ZNF710: variants seen among roughly 807,000 people sequenced by gnomAD.
The protein encoded by ZNF710 is zinc finger protein 710.
Under a neutral mutation model 50.6 loss-of-function variants are expected in ZNF710, and 13 were observed. The observed-to-expected ratio is 0.26, with a 90% confidence interval of 0.17 to 0.41. The LOEUF is 0.41. ZNF710 is among the 10% of genes least tolerant of loss of function. The pLI is 1.00. For synonymous variants in ZNF710, 383 were observed against 397.0 expected (o/e 0.96, Z 0.42); for missense variants, 721 against 936.6 (o/e 0.77, Z 3.01).
In ZNF710 at chr15:90,070,749, G is replaced by A. The variant is rs549040029; in HGVS notation, c.1458+2154G>A. The stretch of plus-strand genomic sequence containing the variant: ...CAGGAGGATTGCTTGAGCCCAGGAG[G>A]TCAAGGCTGCAGTGAGCTGTGATTG... On this transcript the variant is annotated intron_variant, in intron 2 of 4. Transcript: ENST00000268154. 3.9e-5 allele frequency among the ~76,000 whole-genome samples: 6 copies of A among 152,112 alleles called. No homozygotes were observed. In the South Asian group the frequency reaches 1.2e-3, roughly 32 times the overall value.
rs1377340875 is a variant in ZNF710, at chr15:90,059,180, C to G, written c.-28-7930C>G. 6.6e-6 allele frequency among the ~76,000 whole-genome samples: 1 copy of G among 152,204 alleles called. No homozygotes were observed. Among genetic ancestry groups the G allele is most frequent in the East Asian group, 1.9e-4 (1 of 5,196 alleles). On this transcript the variant is annotated intron_variant, in intron 1 of 4. Coordinates refer to ENST00000268154, the MANE Select transcript of ZNF710 (RefSeq NM_198526.4). This position sits in a 1 kb window ranked among gnomAD's most constrained non-coding sequence, Gnocchi z 4.1. ...ATCCTCAAAGATGATGGGAAATTCA[C>G]CCAGTTCGAGGGAAGGGCAGTCCTG...
chr15:90,050,957 G>C (rs1380260158), intron 1 of ZNF710, among the ~76,000 whole-genome samples: 1 of 152,160 alleles, frequency 6.6e-6, no homozygotes, highest in Non-Finnish European at 1.5e-5. Flanking sequence ...AATTGCACAG[G>C]CTGGGGCACC....
At chr15:90,044,970 A>G (rs1293832356) in intron 1 of ZNF710, among the ~76,000 whole-genome samples, 2 of 152,012 alleles carry the variant, frequency 1.3e-5, no homozygotes, top group African/African-American at 4.8e-5. Context: ...CCACATTACA[A>G]TCACTGCTCC....
chr15:90,002,110 G>T (rs1055915278), intron 1 of ZNF710, among the ~76,000 whole-genome samples: 8 of 151,022 alleles, frequency 5.3e-5, no homozygotes, highest in African/African-American at 1.9e-4. Flanking sequence ...TGCTGGGTGC[G>T]CTCCCCCCAC....
intron 1 of ZNF710, among the ~76,000 whole-genome samples, chr15:90,046,086 G>T (rs947962289): frequency 7.9e-5 from 12 of 152,156 alleles, no homozygotes; most frequent in Non-Finnish European, 7.4e-5. Context: ...TCTCTGGGGG[G>T]ACACAGGGCT....
intron 1 of ZNF710, among the ~76,000 whole-genome samples, chr15:90,065,283 C>G (rs1462030452): frequency 6.6e-6 from 1 of 152,194 alleles, no homozygotes; most frequent in Non-Finnish European, 1.5e-5. Context: ...GGGCCGCCGA[C>G]CGTGTGCCTG....
chr15:90,034,544 T>C lies in ZNF710; in HGVS notation c.-28-32566T>C, dbSNP rs1042475069. Among the ~76,000 whole-genome samples, 13 of 151,670 alleles carry C rather than the reference T, an allele frequency of 8.6e-5. No individual in the cohort carries two copies. Among genetic ancestry groups the C allele is most frequent in the African/African-American group, 2.7e-4 (11 of 41,296 alleles). ...AGGGTTGTCAGGAAACAACCATCGG[T>C]TTCCTGCTGATTAACTCAGTTCCTG... is the stretch of plus-strand genomic sequence containing the variant. On this transcript the variant is annotated intron_variant, in intron 1 of 4. Transcript: ENST00000268154. This position sits in a 1 kb window ranked among gnomAD's most constrained non-coding sequence, Gnocchi z 4.0.
chr15:90,005,177 C>T (rs1217937601), intron 1 of ZNF710, among the ~76,000 whole-genome samples: 4 of 152,068 alleles, frequency 2.6e-5, no homozygotes, highest in Non-Finnish European at 5.9e-5. Flanking sequence ...AGCCCCTGTG[C>T]CTAGAATAGG....
At chr15:90,053,631 C>T (rs1026260314) in intron 1 of ZNF710, among the ~76,000 whole-genome samples, 3 of 152,128 alleles carry the variant, frequency 2.0e-5, no homozygotes, top group African/African-American at 4.8e-5. Context: ...TGAGCCCCTG[C>T]GCCAGTCAGC....
intron 1 of ZNF710, chr15:90,025,923 A>G (rs1898761149): frequency 6.6e-6 from 1 of 152,232 alleles, no homozygotes; most frequent in Non-Finnish European, 1.5e-5. Flanking sequence ...CTAGAATGCC[A>G]CATACCCAAA....
chr15:90,016,524 C>G (rs1328443916), intron 1 of ZNF710, among the ~76,000 whole-genome samples: 1 of 152,164 alleles, frequency 6.6e-6, no homozygotes, highest in African/African-American at 2.4e-5. Context: ...TCACTGCAGC[C>G]TCAAACTCCT....
At chr15:90,051,389 T>G (rs1394353681) in intron 1 of ZNF710, among the ~76,000 whole-genome samples, 1 of 151,862 alleles carries the variant, frequency 6.6e-6, no homozygotes, top group Non-Finnish European at 1.5e-5. Context: ...ATCCCAGCAC[T>G]TTGGGAGGCT....
chr15:90,079,702 A>G lies in ZNF710; in HGVS notation c.1868A>G (p.Asp623Gly). The G allele has an allele frequency of 6.2e-7, 1 of 1,613,946 alleles. No homozygotes were observed. Among genetic ancestry groups the G allele is most frequent in the South Asian group, 1.1e-5 (1 of 91,056 alleles). ...ELTGTDPSELDGQQEMEDFEE... is the reference protein window; with the variant it reads ...ELTGTDPSELGGQQEMEDFEE... Reference sequence around the variant, plus strand: ...ACAGGCACTGACCCTTCAGAGCTCGACGGCCAGCAGGAGATGGAGGACTTC... The same window carrying G: ...ACAGGCACTGACCCTTCAGAGCTCGGCGGCCAGCAGGAGATGGAGGACTTC... Residue 623 changes from aspartate (D) to glycine (G), a missense_variant, in exon 5 of 5, where the codon GAC (aspartate) becomes GGC (glycine). Asp to Gly is a moderately conservative substitution (Grantham distance 94, BLOSUM62 -1). Coordinates refer to ENST00000268154, the MANE Select transcript of ZNF710 (RefSeq NM_198526.4).
chr15:90,035,703 A>G (rs767301964), intron 1 of ZNF710, among the ~76,000 whole-genome samples: 9 of 152,212 alleles, frequency 5.9e-5, no homozygotes, highest in Non-Finnish European at 1.3e-4. Context: ...TGGATAGCAA[A>G]CAGCGATCAG....
At chr15:90,055,030 T>C (rs1899768693) in intron 1 of ZNF710, among the ~76,000 whole-genome samples, 1 of 152,266 alleles carries the variant, frequency 6.6e-6, no homozygotes, top group African/African-American at 2.4e-5. Context: ...CTGCTAGGGA[T>C]GCAGTGGTGA....
intron 1 of ZNF710, among the ~76,000 whole-genome samples, chr15:90,026,302 TG>T (rs1385577973): frequency 6.8e-6 from 1 of 146,910 alleles, no homozygotes; most frequent in Non-Finnish European, 1.5e-5. Context: ...AAGGGGACAT[TG>T]CAATAGATAC....
At chr15:90,019,668 G>T (rs1054598119) in intron 1 of ZNF710, among the ~76,000 whole-genome samples, 1 of 152,206 alleles carries the variant, frequency 6.6e-6, no homozygotes, top group South Asian at 2.1e-4. Flanking sequence ...TCCGGGCACA[G>T]CTGACCTAGG....
chr15:90,057,420 G>A (rs993202548), intron 1 of ZNF710, among the ~76,000 whole-genome samples: 1 of 151,988 alleles, frequency 6.6e-6, no homozygotes, highest in Non-Finnish European at 1.5e-5. Flanking sequence ...TCGAGGCCGG[G>A]CACGGTGGCT....
chr15:90,048,504 G>A (rs997373091), intron 1 of ZNF710, among the ~76,000 whole-genome samples: 2 of 152,202 alleles, frequency 1.3e-5, no homozygotes, highest in African/African-American at 4.8e-5. Flanking sequence ...GAAGCTTCTG[G>A]GCGTTTTGGT....
Sources: gnomAD v4.1 joint callset for allele counts (sites outside exome capture counted in the v4.1 genomes callset) on GRCh38, gnomAD v4.1.1 for gene constraint, Gnocchi (gnomAD v3.1) non-coding constraint, MANE v1.5 for transcripts, NCBI Gene and HGNC (gene_info 2026-07-23, HGNC 2026-07-21) for gene names.